POLR3D: variants seen among roughly 807,000 people sequenced by gnomAD.
POLR3D encodes the protein DNA-directed RNA polymerase III subunit RPC4.
POLR3D carries 42 observed loss-of-function variants against 44.5 expected under a neutral mutation model. The observed-to-expected ratio is 0.94, with a 90% CI of 0.74 to 1.22. The LOEUF (loss-of-function observed/expected upper bound fraction) is 1.22, where lower values mean the gene tolerates loss of function less well. Ranked by LOEUF, POLR3D falls within the 50% of genes most tolerant of loss-of-function variation. POLR3D has a pLI of 0.00. For missense variants in POLR3D, 507 were observed against 505.2 expected, an observed-to-expected ratio of 1.00 and a Z score of -0.03; for synonymous variants, 217 against 198.1, an observed-to-expected ratio of 1.10 and a Z score of -0.80.
At chr8:22,248,122 C>T (rs748502158) in intron 4 of POLR3D, 32 bp from the exon 5 acceptor site, 9 of 1,611,932 alleles carry the variant, frequency 5.6e-6, no homozygotes, top group African/African-American at 5.3e-5. Context: ...TCTTCCTTAT[C>T]GATCCCTAGT....
chr8:22,246,847 G>C (rs1048534825), intron 2 of POLR3D, among the ~76,000 whole-genome samples: 2 of 152,236 alleles, frequency 1.3e-5, no homozygotes, highest in Non-Finnish European at 2.9e-5. Flanking sequence ...TCCCTACTTA[G>C]GCCTTGCTGC....
Position 22,253,074 on chromosome 8 carries a change from C to T in POLR3D, c.*2556C>T, listed in dbSNP as rs548962317. 2.2e-4 allele frequency: 33 copies of T among 152,146 alleles called. No individual in the cohort carries two copies. Among genetic ancestry groups the T allele is most frequent in the African/African-American group, 4.8e-4 (20 of 41,440 alleles). The allele number at this position is 152,146 out of a possible 1,614,324, so 9.4% of individuals were successfully genotyped here. On this transcript the variant is annotated 3_prime_UTR_variant, in exon 9 of 9. Transcript: ENST00000306433. ...CACAAGTAACAGAAAATTAGCCTGACGGTGGCTTAAGCAATGGGAATGTTT... is the reference window on the plus strand; with the variant it reads ...CACAAGTAACAGAAAATTAGCCTGATGGTGGCTTAAGCAATGGGAATGTTT...
At chr8:22,247,075 C>G (rs966647838) in intron 2 of POLR3D, 146 bp from the exon 3 acceptor site, 61 of 617,440 alleles carry the variant, frequency 9.9e-5, no homozygotes, top group Admixed American at 5.2e-4. Context: ...ACATGTGTAT[C>G]TATAAAACTG....
At position 22,253,453 on chromosome 8, in the gene POLR3D, G is replaced by T. The variant is rs1830121582; in HGVS notation, c.*2935G>T. ...CTGAGCACACTTGCCCTTGAGCTGGGGTTTTGTTAGTAGGGAGGAAGCTGG... is the reference window on the plus strand; with the variant it reads ...CTGAGCACACTTGCCCTTGAGCTGGTGTTTTGTTAGTAGGGAGGAAGCTGG... On this transcript the variant is annotated 3_prime_UTR_variant, in exon 9 of 9. Transcript: ENST00000306433. 6.6e-6 allele frequency: 1 copy of T among 152,150 alleles called. No individual in the cohort carries two copies. The highest frequency in any genetic ancestry group is 1.9e-4 in the East Asian group (1 of 5,200). The allele number at this position is 152,150 out of a possible 1,614,324, so 9.4% of individuals were successfully genotyped here.
intron 2 of POLR3D, among the ~76,000 whole-genome samples, chr8:22,246,272 C>T (rs982968824): frequency 6.9e-6 from 1 of 145,452 alleles, no homozygotes; most frequent in Non-Finnish European, 1.5e-5. Flanking sequence ...GGATTACAGG[C>T]GCCCGCCACC....
Position 22,248,609 on chromosome 8 carries a change from C to T in POLR3D, c.615C>T (p.Pro205=), listed in dbSNP as rs1420160493. 6.2e-7 allele frequency: 1 copy of T among 1,613,924 alleles called. No homozygotes were observed. The highest frequency in any genetic ancestry group is 1.3e-5 in the African/African-American group (1 of 74,908). ...ATGTTAAACCTTGGCTGGCTGGCCC[C>T]AAGGAAGAGGACATGGAGGTGGACA... The part of the protein sequence containing the change: ...EPDVKPWLAG[P]KEEDMEVDIP... The change falls in exon 6 of 9, where the codon CCC becomes CCT. Residue 205 remains proline (P), a synonymous_variant. Coordinates refer to ENST00000306433, the MANE Select transcript of POLR3D (RefSeq NM_001722.3).
At position 22,250,632 on chromosome 8, in the gene POLR3D, C is replaced by T; in HGVS notation, c.*114C>T. ...GGCCCACTGAGCCCACTCACTCCAG[C>T]CTTTGGCAACCATTGTTCCAGGTCC... On this transcript the variant is annotated 3_prime_UTR_variant, in exon 9 of 9. Transcript: ENST00000306433. The T allele has an allele frequency of 2.3e-6, 3 of 1,304,590 alleles. No homozygotes were observed. Among genetic ancestry groups the T allele is most frequent in the South Asian group, 2.6e-5 (2 of 76,986 alleles). The allele number at this position is 1,304,590 out of a possible 1,614,324, so 80.8% of individuals were successfully genotyped here.
intron 1 of POLR3D, 45 bp downstream of exon 1, chr8:22,245,228 C>G (rs1372984707): frequency 1.8e-6 from 1 of 549,938 alleles, no homozygotes; most frequent in Non-Finnish European, 3.3e-6. Context: ...CGGGTGCGTC[C>G]CTGTCTGGTT....
Position 22,248,017 on chromosome 8 carries a change from A to G in POLR3D, c.361+9A>G. Reference sequence around the variant, plus strand: ...AATGATGAAGAAAAAAGGTATAAGGAAGGAATCAGTGAATTTCAGTTCAGA... The same window carrying G: ...AATGATGAAGAAAAAAGGTATAAGGGAGGAATCAGTGAATTTCAGTTCAGA... On this transcript the variant is annotated intron_variant, in intron 4 of 8. Transcript: ENST00000306433. 1 of 1,612,368 alleles carries G rather than the reference A, an allele frequency of 6.2e-7. No homozygotes were observed. Among genetic ancestry groups the G allele is most frequent in the Non-Finnish European group, 8.5e-7 (1 of 1,178,748 alleles).
chr8:22,250,151 A>G lies in POLR3D; in HGVS notation c.998A>G (p.Lys333Arg), dbSNP rs904777434. 2.5e-6 allele frequency: 4 copies of G among 1,614,186 alleles called. No individual in the cohort carries two copies. Among genetic ancestry groups the G allele is most frequent in the Non-Finnish European group, 3.4e-6 (4 of 1,180,030 alleles). Residue 333 changes from lysine to arginine, a missense_variant, in exon 8 of 9, where the codon AAG (lysine) becomes AGG (arginine). Lys to Arg is a conservative substitution (Grantham distance 26). Coordinates refer to ENST00000306433, the MANE Select transcript of POLR3D (RefSeq NM_001722.3). ...EGQVGKLLIRKSGRVQLLLGK... is the reference protein window; with the variant it reads ...EGQVGKLLIRRSGRVQLLLGK... The stretch of plus-strand genomic sequence containing the variant: ...CAGGTTGGCAAGCTACTCATCCGCA[A>G]GTCTGGAAGGGTGCAACTCCTCTTG...
chr8:22,245,495 C>A lies in POLR3D; in HGVS notation c.46C>A (p.Pro16Thr). The change falls in exon 2 of 9, where the codon CCC (proline) becomes ACC (threonine). Residue 16 changes from proline (P) to threonine (T), a missense_variant. Physicochemically the swap from Pro to Thr is conservative, Grantham distance 38. Coordinates refer to ENST00000306433, the MANE Select transcript of POLR3D (RefSeq NM_001722.3). The part of the protein sequence containing the change: ...AAGEPSTPGG[P>T]RPLLTGARGL... ...CGGCGAGCCCAGCACGCCGGGAGGG[C>A]CCCGACCTCTCCTGACTGGGGCCCG... The A allele has an allele frequency of 7.7e-7, 1 of 1,303,082 alleles. No homozygotes were observed. Among genetic ancestry groups the A allele is most frequent in the South Asian group, 3.2e-5 (1 of 30,858 alleles). The allele number at this position is 1,303,082 out of a possible 1,614,324, so 80.7% of individuals were successfully genotyped here.
chr8:22,248,548 C>T lies in POLR3D; in HGVS notation c.554C>T (p.Ser185Leu). The T allele has an allele frequency of 1.2e-6, 2 of 1,614,188 alleles. No homozygotes were observed. Among genetic ancestry groups the T allele is most frequent in the African/African-American group, 1.3e-5 (1 of 75,048 alleles). ...NMPVQLPLAH[S>L]GWLFKEENDE... The stretch of plus-strand genomic sequence containing the variant: ...CCTGTGCAGCTGCCGCTGGCTCACT[C>T]AGGATGGCTTTTTAAGGAAGAAAAT... Residue 185 changes from serine to leucine, a missense_variant, in exon 6 of 9, where the codon TCA (serine) becomes TTA (leucine). Physicochemically the swap from Ser to Leu is moderately radical, Grantham distance 145 (BLOSUM62 -2). Transcript: ENST00000306433.
intron 1 of POLR3D, 63 bp from the exon 2 acceptor site, chr8:22,245,382 G>A: frequency 8.2e-7 from 1 of 1,224,248 alleles, no homozygotes; most frequent in Non-Finnish European, 1.1e-6. Context: ...GCAAGGGGGT[G>A]GGGTTCCGCC....
intron 2 of POLR3D, among the ~76,000 whole-genome samples, chr8:22,246,273 G>A (rs912800644): frequency 4.6e-5 from 7 of 151,544 alleles, no homozygotes; most frequent in African/African-American, 1.5e-4. Flanking sequence ...GATTACAGGC[G>A]CCCGCCACCA....
At chr8:22,245,695 C>T in intron 2 of POLR3D, 81 bp downstream of exon 2, 1 of 1,017,744 alleles carries the variant, frequency 9.8e-7, no homozygotes, top group Non-Finnish European at 1.3e-6. Flanking sequence ...TGTGTAGGAC[C>T]TACTGTGTGT....
In POLR3D at chr8:22,247,412, G is replaced by A. The variant is rs1039581382; in HGVS notation, c.209+148G>A. The stretch of plus-strand genomic sequence containing the variant: ...AGTGATTTTCAACCCTGGCTCCTAG[G>A]TGATTCTGCAAGCTTTAAAAAATAA... On this transcript the variant is annotated intron_variant, in intron 3 of 8. Transcript: ENST00000306433. The A allele has an allele frequency of 3.7e-5, 22 of 600,338 alleles. No individual in the cohort carries two copies. The African/African-American group carries it at 3.8e-4, about 10-fold the overall frequency. The allele number at this position is 600,338 out of a possible 1,614,324, so 37.2% of individuals were successfully genotyped here.
chr8:22,247,917 A>G lies in POLR3D; in HGVS notation c.270A>G (p.Arg90=). 1 of 1,614,200 alleles carries G rather than the reference A, an allele frequency of 6.2e-7. No homozygotes were observed. Among genetic ancestry groups the G allele is most frequent in the South Asian group, 1.1e-5 (1 of 91,084 alleles). Residue 90 remains arginine (R), a synonymous_variant, in exon 4 of 9, where the codon CGA becomes CGG. Transcript: ENST00000306433. ...EKRERDRDRQ[R]EGHGRGRGRP... is the part of the protein sequence containing the mutation. ...GTGAAAGGGACAGAGACCGACAACG[A>G]GAGGGGCATGGACGAGGGCGAGGCC...
rs1353893768 is a variant in POLR3D, at chr8:22,250,201, A to G, written c.1048A>G (p.Met350Val). ...GGGCAAGGTGACTCTGGACGTGACC[A>G]TGGGAACTGCCTGCTCCTTCCTGCA... The part of the protein sequence containing the change: ...LLGKVTLDVT[M>V]GTACSFLQEL... The change falls in exon 8 of 9, where the codon ATG becomes GTG. Residue 350 changes from methionine (M) to valine (V), a missense_variant. Coordinates refer to ENST00000306433, the MANE Select transcript of POLR3D (RefSeq NM_001722.3). 4 of 1,614,066 alleles carry G rather than the reference A, an allele frequency of 2.5e-6. No homozygotes were observed. Among genetic ancestry groups the G allele is most frequent in the South Asian group, 1.1e-5 (1 of 91,086 alleles).
At position 22,249,229 on chromosome 8, in the gene POLR3D, A is replaced by C. The variant is rs1467238196; in HGVS notation, c.841A>C (p.Thr281Pro). Reference protein sequence around the residue: ...LPDTLPGQPPTQDIKPIKTEV... With the variant: ...LPDTLPGQPPPQDIKPIKTEV... ...AGACACCCTCCCTGGCCAGCCACCCACCCAGGACATCAAGCCTATCAAGAC... is the reference window on the plus strand; with the variant it reads ...AGACACCCTCCCTGGCCAGCCACCCCCCCAGGACATCAAGCCTATCAAGAC... The change falls in exon 7 of 9, where the codon ACC becomes CCC. Residue 281 changes from threonine to proline, a missense_variant. Physicochemically the swap from Thr to Pro is conservative, Grantham distance 38 (BLOSUM62 -1). Transcript: ENST00000306433. The C allele has an allele frequency of 1.2e-6, 2 of 1,613,992 alleles. No individual in the cohort carries two copies. Among genetic ancestry groups the C allele is most frequent in the East Asian group, 2.2e-5 (1 of 44,860 alleles).
Sources: allele counts gnomAD v4.1 joint callset (sites outside exome capture counted in the v4.1 genomes callset), GRCh38; gene constraint gnomAD v4.1.1; transcripts MANE v1.5; gene names NCBI Gene and HGNC (gene_info 2026-07-23, HGNC 2026-07-21).